Variants in COL3A1 observed in about 807,000 individuals in gnomAD.
The protein encoded by COL3A1 is collagen alpha-1(III) chain.
Under a neutral mutation model 200.9 loss-of-function variants are expected in COL3A1, and 46 were observed. The ratio of observed to expected loss-of-function variants is 0.23; its 90% confidence interval spans 0.18 to 0.29. The LOEUF (loss-of-function observed/expected upper bound fraction) is 0.29. Ranked by LOEUF, COL3A1 falls within the 10% of genes least tolerant of loss-of-function variation. The pLI, the probability that COL3A1 is intolerant of heterozygous loss-of-function variation, is 1.00. For synonymous variants in COL3A1, 650 were observed against 628.0 expected (o/e 1.03, Z -0.52); for missense variants, 1,367 against 1,917.6 (o/e 0.71, Z 5.36).
Position 188,989,092 on chromosome 2 carries a change from TACA to T in COL3A1, c.637-300_637-298del, listed in dbSNP as rs1688122691. ...AAATAAGCAAGTAAAATAGTTTAAA[TACA>T]ACATTTCATGACATTTAGAAATACC... On this transcript the variant is annotated intron_variant, in intron 7 of 50. Transcript: ENST00000304636. Among the ~76,000 whole-genome samples, 3 of 149,110 alleles carry T rather than the reference TACA, an allele frequency of 2.0e-5. No individual in the cohort carries two copies. The South Asian group carries it at 6.3e-4, about 31-fold the overall frequency.
intron 4 of COL3A1, 80 bp downstream of exon 4, chr2:188,985,858 C>A: frequency 1.1e-6 from 1 of 925,136 alleles, no homozygotes; most frequent in Non-Finnish European, 1.8e-6. Context: ...TATTACGTCT[C>A]ACTATTATGA....
Position 188,995,805 on chromosome 2 carries a change from T to C in COL3A1, c.1608+15T>C. On this transcript the variant is annotated intron_variant, in intron 22 of 50. Transcript: ENST00000304636. ...CAGGAATGAGGGTACAGAGAAACAT[T>C]TGTTTGAATGACACTTTAATTTAGA... is the stretch of plus-strand genomic sequence containing the variant. The C allele has an allele frequency of 6.5e-7, 1 of 1,537,650 alleles. No homozygotes were observed. The highest frequency in any genetic ancestry group is 8.8e-7 in the Non-Finnish European group (1 of 1,133,470).
At chr2:188,976,180 A>G (rs1001009730) in intron 1 of COL3A1, among the ~76,000 whole-genome samples, 1 of 151,996 alleles carries the variant, frequency 6.6e-6, no homozygotes, top group Non-Finnish European at 1.5e-5. Context: ...AAAGACTACA[A>G]ACTTAGGGGT....
intron 11 of COL3A1, 88 bp downstream of exon 11, chr2:188,991,145 G>A (rs768915064): frequency 9.2e-6 from 13 of 1,419,240 alleles, no homozygotes; most frequent in African/African-American, 1.4e-5. Context: ...GCCTTAACTT[G>A]TTTTCTGAAA....
Position 189,010,344 on chromosome 2 carries a change from G to C in COL3A1, c.3990G>C (p.Glu1330Asp), listed in dbSNP as rs1295352821. The C allele has an allele frequency of 6.2e-7, 1 of 1,614,142 alleles. No individual in the cohort carries two copies. Among genetic ancestry groups the C allele is most frequent in the Non-Finnish European group, 8.5e-7 (1 of 1,179,992 alleles). ...AGAAGAAACACGTTTGGTTTGGAGAGTCCATGGATGGTGGTTTTCAGGTAG... is the reference window on the plus strand; with the variant it reads ...AGAAGAAACACGTTTGGTTTGGAGACTCCATGGATGGTGGTTTTCAGGTAG... ...SAEKKHVWFG[E>D]SMDGGFQFSY... Residue 1330 changes from glutamate (E) to aspartate (D), a missense_variant, in exon 49 of 51, where the codon GAG (glutamate) becomes GAC (aspartate). By Grantham distance (45) the Glu-to-Asp change is conservative. Transcript: ENST00000304636.
intron 22 of COL3A1, 40 bp from the exon 23 acceptor site, chr2:188,996,085 T>G: frequency 6.3e-7 from 1 of 1,590,550 alleles, no homozygotes; most frequent in South Asian, 1.1e-5. Context: ...TTTTTATTAT[T>G]TCATTTTAAA....
chr2:188,990,580 G>A (rs537663500), intron 10 of COL3A1, among the ~76,000 whole-genome samples: 1 of 152,128 alleles, frequency 6.6e-6, no homozygotes, highest in South Asian at 2.1e-4. Context: ...GAAAAATATC[G>A]TTTTCTTACT....
chr2:189,003,988 C>G lies in COL3A1; in HGVS notation c.2668C>G (p.Pro890Ala), dbSNP rs794728053. ...TTCAAACAATTATTTGTAGGGTAAC[C>G]CAGGACCCCCAGGTCCCAGCGGTTC... Reference protein sequence around the residue: ...LPGPPGSNGNPGPPGPSGSPG... With the variant: ...LPGPPGSNGNAGPPGPSGSPG... The change falls in exon 39 of 51, where the codon CCA (proline) becomes GCA (alanine). Residue 890 changes from proline to alanine, a missense_variant. Pro to Ala is a conservative substitution (Grantham distance 27). Transcript: ENST00000304636. 1.9e-6 allele frequency: 3 copies of G among 1,610,462 alleles called. No individual in the cohort carries two copies. Among genetic ancestry groups the G allele is most frequent in the Non-Finnish European group, 2.5e-6 (3 of 1,178,880 alleles).
At position 189,010,533 on chromosome 2, in the gene COL3A1, G is replaced by A. The variant is rs13306255; in HGVS notation, c.4012-115G>A. The A allele has an allele frequency of 4.8e-4, 720 of 1,504,368 alleles. 6 individuals carry two copies. In the East Asian group the frequency reaches 0.013, roughly 28 times the overall value. The allele number at this position is 1,504,368 out of a possible 1,614,324, so 93.2% of individuals were successfully genotyped here. The stretch of plus-strand genomic sequence containing the variant: ...AAATATTTTCACACATAAAATACTC[G>A]TACATAAAATATATAAACAGCCCAT... On this transcript the variant is annotated intron_variant, in intron 49 of 50. Transcript: ENST00000304636.
intron 27 of COL3A1, 75 bp from the exon 28 acceptor site, chr2:188,998,191 C>T (rs576608153): frequency 7.4e-7 from 1 of 1,352,122 alleles, no homozygotes; most frequent in East Asian, 2.3e-5. Flanking sequence ...CTTGCAGAAA[C>T]ATGTGTACAT....
intron 8 of COL3A1, 73 bp from the exon 9 acceptor site, chr2:188,990,023 A>C: frequency 7.3e-7 from 1 of 1,362,702 alleles, no homozygotes; most frequent in Non-Finnish European, 1.1e-6. Context: ...ATGCAAAGTA[A>C]CCATTTTGCT....
chr2:188,987,110 G>A lies in COL3A1; in HGVS notation c.499G>A (p.Gly167Arg). The A allele has an allele frequency of 6.2e-7, 1 of 1,612,950 alleles. No homozygotes were observed. The highest frequency in any genetic ancestry group is 8.5e-7 in the Non-Finnish European group (1 of 1,179,190). Reference protein sequence around the residue: ...SYDVKSGVAVGGLAGYPGPAG... With the variant: ...SYDVKSGVAVRGLAGYPGPAG... Reference sequence around the variant, plus strand: ...TGATGTCAAGTCTGGAGTAGCAGTAGGAGGACTCGCAGGCTATCCTGGACC... The same window carrying A: ...TGATGTCAAGTCTGGAGTAGCAGTAAGAGGACTCGCAGGCTATCCTGGACC... Residue 167 changes from glycine to arginine, a missense_variant, in exon 5 of 51, where the codon GGA (glycine) becomes AGA (arginine). This residue lies in a region of COL3A1 where 462 missense variants were observed against 681.4 expected (regional missense o/e 0.68). Coordinates refer to ENST00000304636, the MANE Select transcript of COL3A1 (RefSeq NM_000090.4).
intron 7 of COL3A1, among the ~76,000 whole-genome samples, chr2:188,988,969 T>C (rs1000422306): frequency 1.3e-5 from 2 of 151,746 alleles, no homozygotes; most frequent in African/African-American, 4.8e-5. Context: ...CTGATAAATA[T>C]AGTTATATAT....
Position 188,994,242 on chromosome 2 carries a change from T to C in COL3A1, c.1203T>C (p.Ala401=), listed in dbSNP as rs1286335798. Residue 401 remains alanine, a synonymous_variant, in exon 18 of 51, where the codon GCT becomes GCC. Transcript: ENST00000304636. The surrounding 1 kb of genome is among the most constrained non-coding windows in gnomAD (Gnocchi z 4.5). ...CTTTGGTTTGTTCTTAGGGTCCCGC[T>C]GGCATTCCTGGAGCTCCTGGACTGA... is the stretch of plus-strand genomic sequence containing the variant. The part of the protein sequence containing the change: ...SPGGKGEMGP[A]GIPGAPGLMG... 1 of 1,614,028 alleles carries C rather than the reference T, an allele frequency of 6.2e-7. No individual in the cohort carries two copies. Among genetic ancestry groups the C allele is most frequent in the African/African-American group, 1.3e-5 (1 of 74,940 alleles).
chr2:188,996,363 A>T (rs755182489), intron 23 of COL3A1, 35 bp from the exon 24 acceptor site: 2 of 1,545,774 alleles, frequency 1.3e-6, no homozygotes, highest in Non-Finnish European at 1.8e-6. Context: ...TCTTCTCTTT[A>T]TCAAACCTTT....
In COL3A1 at chr2:188,994,525, CTT is replaced by C. The variant is rs1288013074; in HGVS notation, c.1294-14_1294-13del. 1 of 1,613,882 alleles carries C rather than the reference CTT, an allele frequency of 6.2e-7. No homozygotes were observed. Among genetic ancestry groups the C allele is most frequent in the South Asian group, 1.1e-5 (1 of 91,082 alleles). On this transcript the variant is annotated splice_polypyrimidine_tract_variant and intron_variant, in intron 18 of 50. Transcript: ENST00000304636. This position sits in a 1 kb window ranked among gnomAD's most constrained non-coding sequence, Gnocchi z 4.5. ...AATCCTCCCTGTGTTTCAACCAAGA[CTT>C]TGTTATACTTTAGGGTGAGCCTGGT...
intron 38 of COL3A1, 69 bp from the exon 39 acceptor site, chr2:189,003,913 T>G (rs1385816469): frequency 7.7e-6 from 12 of 1,567,794 alleles, no homozygotes; most frequent in Non-Finnish European, 1.0e-5. Context: ...TTATTTGAAG[T>G]AAGTAAAAAA....
rs1378423439 is a variant in COL3A1, at chr2:189,008,093, C to T, written c.3476C>T (p.Pro1159Leu). 1 of 1,613,938 alleles carries T rather than the reference C, an allele frequency of 6.2e-7. No homozygotes were observed. The highest frequency in any genetic ancestry group is 8.5e-7 in the Non-Finnish European group (1 of 1,179,928). Reference sequence around the variant, plus strand: ...GATGGAACCAGTGGACATCCAGGTCCCATTGGACCACCAGGGCCTCGAGGT... The same window carrying T: ...GATGGAACCAGTGGACATCCAGGTCTCATTGGACCACCAGGGCCTCGAGGT... ...GKDGTSGHPGPIGPPGPRGNR... is the reference protein window; with the variant it reads ...GKDGTSGHPGLIGPPGPRGNR... Residue 1159 changes from proline (P) to leucine (L), a missense_variant, in exon 47 of 51, where the codon CCC becomes CTC. Coordinates refer to ENST00000304636, the MANE Select transcript of COL3A1 (RefSeq NM_000090.4).
At chr2:188,985,885 C>T in intron 4 of COL3A1, 107 bp downstream of exon 4, 1 of 773,082 alleles carries the variant, frequency 1.3e-6, no homozygotes, top group Admixed American at 2.1e-5. Context: ...TGTATCTGTT[C>T]TCTGATTCAG....
Sources: allele counts gnomAD v4.1 joint callset (sites outside exome capture counted in the v4.1 genomes callset), GRCh38; gene constraint gnomAD v4.1.1; regional missense constraint gnomAD v4.1.1; non-coding constraint Gnocchi (gnomAD v3.1); transcripts MANE v1.5; gene names NCBI Gene and HGNC (gene_info 2026-07-23, HGNC 2026-07-21).